The following SLC7A6 variants were observed in gnomAD, a reference collection of about 807,000 sequenced individuals.
SLC7A6 encodes the protein solute carrier family 7 member 6, also known as Y+L amino acid transporter 2.
Under a neutral mutation model 46.6 loss-of-function variants are expected in SLC7A6, and 29 were observed. The observed-to-expected ratio is 0.62, with a 90% CI of 0.46 to 0.85. The LOEUF is 0.85. Among genes scored for constraint, SLC7A6 ranks in the 40% least tolerant of loss-of-function variants. The probability of loss-of-function intolerance (pLI) is 0.00; values close to 1 mark genes in which losing one functional copy is unlikely to be tolerated. For synonymous variants in SLC7A6, 276 were observed against 257.3 expected, an observed-to-expected ratio of 1.07 and a Z score of -0.70; for missense variants, 527 against 647.6, an observed-to-expected ratio of 0.81 and a Z score of 2.02.
At chr16:68,291,457 G>A in intron 6 of SLC7A6, 101 bp from the exon 7 acceptor site, 2 of 1,574,632 alleles carry the variant, frequency 1.3e-6, no homozygotes, top group Non-Finnish European at 1.7e-6. Context: ...AGGCCAGAGG[G>A]TGGGCTGCTT....
intron 3 of SLC7A6, among the ~76,000 whole-genome samples, chr16:68,278,939 G>GC (rs1252990404): frequency 9.9e-5 from 15 of 151,588 alleles, no homozygotes; most frequent in Non-Finnish European, 1.9e-4. Context: ...GGGCGGAGGC[G>GC]CCCCCCACCT....
At chr16:68,291,721 C>A in intron 7 of SLC7A6, 60 bp downstream of exon 7, 1 of 1,448,208 alleles carries the variant, frequency 6.9e-7, no homozygotes, top group Non-Finnish European at 9.6e-7. Context: ...GGGGCTTAGG[C>A]ATAAGAGTTC....
intron 4 of SLC7A6, among the ~76,000 whole-genome samples, chr16:68,288,164 T>A (rs973687569): frequency 6.6e-6 from 1 of 152,012 alleles, no homozygotes; most frequent in Admixed American, 6.6e-5. Flanking sequence ...CATGATTGGG[T>A]CATAAAAGTA....
At position 68,298,649 on chromosome 16, in the gene SLC7A6, C is replaced by T. The variant is rs2043216297; in HGVS notation, c.*1321C>T. On this transcript the variant is annotated 3_prime_UTR_variant, in exon 11 of 11. Transcript: ENST00000219343. The stretch of plus-strand genomic sequence containing the variant: ...TTCTCCCTGTGGAGATCAGTGAAGA[C>T]TGGGAGGAAAGCTGCTTCAACCTGA... 1 of 152,232 alleles carries T rather than the reference C, an allele frequency of 6.6e-6. No individual in the cohort carries two copies. Among genetic ancestry groups the T allele is most frequent in the South Asian group, 2.1e-4 (1 of 4,838 alleles). 9.4% of individuals were successfully genotyped at this position (152,232 alleles called of 1,614,324 possible). A position where few individuals can be genotyped will look rare whatever the true frequency, so the allele number is the denominator to read the frequency against.
At chr16:68,297,104 G>A in intron 10 of SLC7A6, 130 bp from the exon 11 acceptor site, 2 of 832,580 alleles carry the variant, frequency 2.4e-6, no homozygotes, top group East Asian at 2.6e-5. Context: ...GGAGACAGGG[G>A]CAAAGCCTGA....
intron 8 of SLC7A6, 137 bp from the exon 9 acceptor site, chr16:68,296,227 G>A (rs2043162586): frequency 5.6e-6 from 5 of 895,956 alleles, no homozygotes; most frequent in Non-Finnish European, 6.9e-6. Context: ...CCTATCTGAT[G>A]CCAAGGGGTC....
intron 3 of SLC7A6, among the ~76,000 whole-genome samples, chr16:68,283,592 G>GAAAAAGGGA (rs67757354): frequency 0.59 from 88,961 of 151,860 alleles, 26,315 homozygotes; most frequent in East Asian, 0.81. Context: ...AAAAAGGGAA[G>GAAAAAGGGA]AACAGATAGA....
intron 3 of SLC7A6, among the ~76,000 whole-genome samples, chr16:68,278,016 T>G (rs1457956793): frequency 6.6e-6 from 1 of 151,326 alleles, no homozygotes; most frequent in East Asian, 2.0e-4. Flanking sequence ...CTCTGCTCAC[T>G]GCAACCTCTG....
intron 4 of SLC7A6, 100 bp downstream of exon 4, chr16:68,287,971 C>T (rs186087755): frequency 6.7e-7 from 1 of 1,492,272 alleles, no homozygotes; most frequent in East Asian, 2.4e-5. Context: ...TTTCTATGTA[C>T]ATGCTAGCAT....
At position 68,297,274 on chromosome 16, in the gene SLC7A6, C is replaced by G. The variant is rs762703423; in HGVS notation, c.1494C>G (p.Val498=). The part of the protein sequence containing the change: ...TRGTQQLCFC[V]LTELDVAEEK... Reference sequence around the variant, plus strand: ...GCACCCAGCAGCTTTGCTTTTGTGTCCTGACTGAGCTTGATGTAGCCGAAG... The same window carrying G: ...GCACCCAGCAGCTTTGCTTTTGTGTGCTGACTGAGCTTGATGTAGCCGAAG... Residue 498 remains valine, a synonymous_variant, in exon 11 of 11, where the codon GTC becomes GTG. Transcript: ENST00000219343. 1 of 1,614,104 alleles carries G rather than the reference C, an allele frequency of 6.2e-7. No individual in the cohort carries two copies. The highest frequency in any genetic ancestry group is 1.7e-5 in the Admixed American group (1 of 60,020).
At chr16:68,278,362 G>A (rs1218968832) in intron 3 of SLC7A6, among the ~76,000 whole-genome samples, 1 of 151,246 alleles carries the variant, frequency 6.6e-6, no homozygotes, top group Non-Finnish European at 1.5e-5. Flanking sequence ...GGGGGATTTG[G>A]CAGGGTCATA....
intron 4 of SLC7A6, 101 bp downstream of exon 4, chr16:68,287,972 A>C: frequency 6.7e-7 from 1 of 1,494,058 alleles, no homozygotes; most frequent in South Asian, 1.3e-5. Context: ...TTCTATGTAC[A>C]TGCTAGCATG....
chr16:68,282,679 G>A lies in SLC7A6; in HGVS notation c.524-5067G>A, dbSNP rs139936925. On this transcript the variant is annotated intron_variant, in intron 3 of 10. Coordinates refer to ENST00000219343, the MANE Select transcript of SLC7A6 (RefSeq NM_003983.6). Reference sequence around the variant, plus strand: ...GTTGCCCAGGCTGGAGTCCAGTGGCGTGATCTTGGCTCATTGCAACCTCTG... The same window carrying A: ...GTTGCCCAGGCTGGAGTCCAGTGGCATGATCTTGGCTCATTGCAACCTCTG... 7.2e-3 allele frequency among the ~76,000 whole-genome samples: 1,092 copies of A among 151,426 alleles called. 12 individuals are homozygous for A. The highest frequency in any genetic ancestry group is 0.024 in the Middle Eastern group (7 of 294).
chr16:68,291,638 T>G lies in SLC7A6; in HGVS notation c.999T>G (p.Asn333Lys). 3 of 1,614,096 alleles carry G rather than the reference T, an allele frequency of 1.9e-6. No homozygotes were observed. Among genetic ancestry groups the G allele is most frequent in the Non-Finnish European group, 2.5e-6 (3 of 1,179,942 alleles). Reference sequence around the variant, plus strand: ...CCCTGTCCTGCTTTGGGGGCCTCAATGCATCCATCTTTGCTTCATCAAGGT... The same window carrying G: ...CCCTGTCCTGCTTTGGGGGCCTCAAGGCATCCATCTTTGCTTCATCAAGGT... ...AVALSCFGGL[N>K]ASIFASSRLF... Residue 333 changes from asparagine (N) to lysine (K), a missense_variant, in exon 7 of 11, where the codon AAT (asparagine) becomes AAG (lysine). By Grantham distance (94) the Asn-to-Lys change is moderately conservative. Coordinates refer to ENST00000219343, the MANE Select transcript of SLC7A6 (RefSeq NM_003983.6).
At position 68,301,529 on chromosome 16, in the gene SLC7A6, A is replaced by G. The variant is rs1032257504; in HGVS notation, c.*4201A>G. On this transcript the variant is annotated 3_prime_UTR_variant, in exon 11 of 11. Transcript: ENST00000219343. Reference sequence around the variant, plus strand: ...GTAATGCAAAATCCTTGCTCAATAAATAAAAAAGAATATAGAATTCTTTTT... The same window carrying G: ...GTAATGCAAAATCCTTGCTCAATAAGTAAAAAAGAATATAGAATTCTTTTT... The G allele has an allele frequency of 5.8e-6, 4 of 694,170 alleles. No individual in the cohort carries two copies. Among genetic ancestry groups the G allele is most frequent in the Non-Finnish European group, 8.9e-6 (4 of 451,280 alleles). 43.0% of individuals were successfully genotyped at this position (694,170 alleles called of 1,614,324 possible).
intron 7 of SLC7A6, 77 bp from the exon 8 acceptor site, chr16:68,294,628 G>A (rs1220620944): frequency 2.8e-6 from 3 of 1,076,882 alleles, no homozygotes; most frequent in Non-Finnish European, 4.3e-6. Flanking sequence ...TCTGAGCTGA[G>A]TTTGTCCAAG....
At chr16:68,296,330 G>A (rs980295100) in intron 8 of SLC7A6, 34 bp from the exon 9 acceptor site, 8 of 1,611,900 alleles carry the variant, frequency 5.0e-6, no homozygotes, top group East Asian at 2.2e-5. Flanking sequence ...AGGTGGTGAC[G>A]ATGCTCACCT....
Position 68,301,230 on chromosome 16 carries a change from G to A in SLC7A6, c.*3902G>A, listed in dbSNP as rs773997749. On this transcript the variant is annotated 3_prime_UTR_variant, in exon 11 of 11. Transcript: ENST00000219343. ...CAGGGCAGTTAACTCTGGACTCAGAGCCCTCAAGGGCATGTGGCAGAACCT... is the reference window on the plus strand; with the variant it reads ...CAGGGCAGTTAACTCTGGACTCAGAACCCTCAAGGGCATGTGGCAGAACCT... 2 of 1,592,872 alleles carry A rather than the reference G, an allele frequency of 1.3e-6. No individual in the cohort carries two copies. The highest frequency in any genetic ancestry group is 2.3e-5 in the East Asian group (1 of 43,852).
chr16:68,289,468 T>A (rs1196706827), intron 4 of SLC7A6, among the ~76,000 whole-genome samples: 2 of 152,142 alleles, frequency 1.3e-5, no homozygotes, highest in African/African-American at 4.8e-5. Flanking sequence ...GAAGATCTGT[T>A]CCTTAGGGAA....
Sources: allele counts gnomAD v4.1 joint callset (sites outside exome capture counted in the v4.1 genomes callset), GRCh38; gene constraint gnomAD v4.1.1; transcripts MANE v1.5; gene names NCBI Gene and HGNC (gene_info 2026-07-23, HGNC 2026-07-21).